The following SCFD2 variants were observed in gnomAD, a reference collection of about 807,000 sequenced individuals.
The protein encoded by SCFD2 is sec1 family domain-containing protein 2.
SCFD2 carries 54 observed loss-of-function variants against 58.9 expected under a neutral mutation model. The observed-to-expected ratio is 0.92, with a 90% CI of 0.74 to 1.15. The LOEUF (loss-of-function observed/expected upper bound fraction) is 1.15. Among genes scored for constraint, SCFD2 ranks in the 50% most tolerant of loss-of-function variants. The pLI, the probability that SCFD2 is intolerant of heterozygous loss-of-function variation, is 0.00. For missense variants in SCFD2, 805 were observed against 836.6 expected (o/e 0.96, Z 0.47); for synonymous variants, 321 against 335.9 (o/e 0.96, Z 0.49).
chr4:52,882,945 C>G (rs1718654299), intron 8 of SCFD2, among the ~76,000 whole-genome samples: 1 of 152,172 alleles, frequency 6.6e-6, no homozygotes, highest in Non-Finnish European at 1.5e-5. Context: ...ATAGTAAAGC[C>G]AGAATGGAAG....
At chr4:52,959,516 G>T (rs192927363) in intron 5 of SCFD2, among the ~76,000 whole-genome samples, 188 of 152,166 alleles carry the variant, frequency 1.2e-3, no homozygotes, top group African/African-American at 4.2e-3. Context: ...TTATTAAATG[G>T]CCCATGGTTT....
intron 8 of SCFD2, among the ~76,000 whole-genome samples, chr4:52,880,707 C>T (rs532669573): frequency 1.3e-5 from 2 of 152,330 alleles, no homozygotes; most frequent in Admixed American, 6.5e-5. Flanking sequence ...GCGGCAAGCA[C>T]GTGCCTTGCT....
At chr4:53,211,241 G>GAAAAAAA (rs55830697) in intron 4 of SCFD2, among the ~76,000 whole-genome samples, 39 of 142,002 alleles carry the variant, frequency 2.7e-4, no homozygotes, top group Non-Finnish European at 4.1e-4. Context: ...GACTCCATGT[G>GAAAAAAA]AAAAAAAAAA....
intron 4 of SCFD2, among the ~76,000 whole-genome samples, chr4:53,190,580 C>A (rs368603012): frequency 1.3e-5 from 2 of 152,162 alleles, no homozygotes; most frequent in African/African-American, 4.8e-5. Context: ...CATTTATCCA[C>A]GGCATTATAC....
At chr4:53,035,023 T>G (rs1453279950) in intron 5 of SCFD2, among the ~76,000 whole-genome samples, 1 of 152,022 alleles carries the variant, frequency 6.6e-6, no homozygotes, top group African/African-American at 2.4e-5. Context: ...CCAAGACAAT[T>G]CTGGGCAAGA....
chr4:53,327,957 T>A (rs1577970761), intron 2 of SCFD2, among the ~76,000 whole-genome samples: 1 of 151,856 alleles, frequency 6.6e-6, no homozygotes, highest in Admixed American at 6.6e-5. Context: ...AGTGAAACCC[T>A]GTCTCTACTA....
intron 5 of SCFD2, among the ~76,000 whole-genome samples, chr4:52,981,876 T>A (rs957094993): frequency 6.6e-6 from 1 of 152,038 alleles, no homozygotes. Flanking sequence ...ACTACTACTG[T>A]TGGGAGGAGA....
In SCFD2 at chr4:53,215,134, A is replaced by G. The variant is rs918916699; in HGVS notation, c.1311+58692T>C. The stretch of plus-strand genomic sequence containing the variant: ...TGGCTTAGGATTGACTTGGCAATGC[A>G]GGCTCTTTTTTGGTTCCATATGAAC... On this transcript the variant is annotated intron_variant, in intron 4 of 8. Transcript: ENST00000401642. Among the ~76,000 whole-genome samples the G allele has an allele frequency of 1.4e-3, 207 of 152,066 alleles. 2 individuals carry two copies. The highest frequency in any genetic ancestry group is 3.7e-3 in the African/African-American group (153 of 41,384).
intron 5 of SCFD2, chr4:52,950,911 A>T (rs1720576486): frequency 6.6e-6 from 1 of 152,168 alleles, no homozygotes; most frequent in Non-Finnish European, 1.5e-5. Context: ...CAGATTAGAC[A>T]TGGCCCTGGA....
At chr4:53,034,977 T>C (rs1722718197) in intron 5 of SCFD2, among the ~76,000 whole-genome samples, 1 of 152,168 alleles carries the variant, frequency 6.6e-6, no homozygotes, top group African/African-American at 2.4e-5. Context: ...AAAACTATTT[T>C]AAACTTCATA....
intron 4 of SCFD2, among the ~76,000 whole-genome samples, chr4:53,207,274 A>G (rs1284144040): frequency 6.7e-6 from 1 of 149,870 alleles, no homozygotes; most frequent in Non-Finnish European, 1.5e-5. Flanking sequence ...TTCAAACCAC[A>G]GCACTGACAA....
intron 3 of SCFD2, among the ~76,000 whole-genome samples, chr4:53,301,685 C>T (rs150123592): frequency 0.97 from 148,284 of 152,316 alleles, 72,314 homozygotes; most frequent in Middle Eastern, 1. Flanking sequence ...TGATGAACAT[C>T]GATGCAAAAA....
chr4:52,905,959 A>G (rs1307954265), intron 7 of SCFD2, among the ~76,000 whole-genome samples: 2 of 152,250 alleles, frequency 1.3e-5, no homozygotes. Flanking sequence ...CCATTAGTGT[A>G]TTAAAGGCAC....
intron 5 of SCFD2, among the ~76,000 whole-genome samples, chr4:52,988,986 A>G (rs2109579853): frequency 6.6e-6 from 1 of 152,338 alleles, no homozygotes; most frequent in South Asian, 2.1e-4. Context: ...TATATATTTT[A>G]TCCCTAATAG....
chr4:53,241,740 G>C (rs770608774), intron 4 of SCFD2, among the ~76,000 whole-genome samples: 1 of 152,198 alleles, frequency 6.6e-6, no homozygotes, highest in Non-Finnish European at 1.5e-5. Flanking sequence ...CTGCCAGTGA[G>C]AGTTCACTCC....
chr4:52,975,324 G>A (rs1350763656), intron 5 of SCFD2, among the ~76,000 whole-genome samples: 10 of 151,968 alleles, frequency 6.6e-5, no homozygotes, highest in Non-Finnish European at 1.0e-4. Context: ...AAATTTATAA[G>A]AAAAAAACAA....
chr4:53,299,986 G>A (rs1560435853), intron 3 of SCFD2, among the ~76,000 whole-genome samples: 1 of 152,138 alleles, frequency 6.6e-6, no homozygotes, highest in African/African-American at 2.4e-5. Flanking sequence ...ACCAGCCACT[G>A]CAAAAACATG....
intron 4 of SCFD2, among the ~76,000 whole-genome samples, chr4:53,263,075 C>G (rs1176493345): frequency 6.6e-6 from 1 of 152,008 alleles, no homozygotes; most frequent in African/African-American, 2.4e-5. Flanking sequence ...TTTCATTTCT[C>G]TAAGTGTGTC....
At chr4:53,259,476 G>A (rs1367475242) in intron 4 of SCFD2, among the ~76,000 whole-genome samples, 2 of 152,082 alleles carry the variant, frequency 1.3e-5, no homozygotes, top group Non-Finnish European at 2.9e-5. Flanking sequence ...TGAATAGGGT[G>A]TCTTTTCCCC....
Sources: gnomAD v4.1 joint callset for allele counts (sites outside exome capture counted in the v4.1 genomes callset) on GRCh38, gnomAD v4.1.1 for gene constraint, MANE v1.5 for transcripts, NCBI Gene and HGNC (gene_info 2026-07-23, HGNC 2026-07-21) for gene names.